Variants in CSMD1 observed in about 807,000 individuals in gnomAD.
The protein encoded by CSMD1 is CUB and Sushi multiple domains 1.
CSMD1 carries 213 observed loss-of-function variants against 417.5 expected under a neutral mutation model. The observed-to-expected ratio is 0.51, with a 90% CI of 0.46 to 0.57. The LOEUF is 0.57. Among genes scored for constraint, CSMD1 ranks in the 20% least tolerant of loss-of-function variants. The probability of loss-of-function intolerance (pLI) is 0.00; values close to 1 mark genes in which losing one functional copy is unlikely to be tolerated. For synonymous variants in CSMD1, 2,862 were observed against 1,736.8 expected, an observed-to-expected ratio of 1.65 and a Z score of -16.11; for missense variants, 6,923 against 4,529.7, an observed-to-expected ratio of 1.53 and a Z score of -15.17.
At chr8:3,414,212 CAAAAAAAAAAAAA>C (rs1161625328) in intron 12 of CSMD1, among the ~76,000 whole-genome samples, 2 of 49,738 alleles carry the variant, frequency 4.0e-5, no homozygotes, top group African/African-American at 1.5e-4. Context: ...GCACCTAAAG[CAAAAAAAAAAAAA>C]AAAAAAAAAA....
chr8:3,840,955 C>T (rs189058437), intron 5 of CSMD1, among the ~76,000 whole-genome samples: 33 of 152,134 alleles, frequency 2.2e-4, no homozygotes, highest in Middle Eastern at 3.4e-3. Context: ...GATCCTCCTG[C>T]CTCGGCCTCC....
chr8:3,247,139 C>G (rs188449810), intron 26 of CSMD1, among the ~76,000 whole-genome samples: 54 of 152,166 alleles, frequency 3.5e-4, no homozygotes, highest in African/African-American at 1.2e-3. Context: ...CTCATTTGCC[C>G]CTAAATGTTT....
intron 3 of CSMD1, among the ~76,000 whole-genome samples, chr8:4,282,665 C>A (rs1292078665): frequency 6.6e-6 from 1 of 152,018 alleles, no homozygotes; most frequent in African/African-American, 2.4e-5. Flanking sequence ...TATTTGAATA[C>A]CAGTTAGGAA....
At chr8:3,084,017 T>C (rs1349113812) in intron 49 of CSMD1, among the ~76,000 whole-genome samples, 1 of 152,136 alleles carries the variant, frequency 6.6e-6, no homozygotes, top group Non-Finnish European at 1.5e-5. Context: ...AAACAAATCT[T>C]TTTGTTGTTG....
intron 10 of CSMD1, among the ~76,000 whole-genome samples, chr8:3,557,563 GTGAGCAAGTCC>G (rs529330240): frequency 9.0e-4 from 137 of 152,322 alleles, no homozygotes; most frequent in African/African-American, 3.2e-3. Context: ...CCTTTTAGAG[GTGAGCAAGTCC>G]TGAATTGGCC....
chr8:3,403,396 C>G (rs1178385235), intron 15 of CSMD1, among the ~76,000 whole-genome samples: 1 of 152,200 alleles, frequency 6.6e-6, no homozygotes. Flanking sequence ...CCTGTTCCAT[C>G]GGAGCGTCCC....
chr8:4,264,730 G>A (rs1425039615), intron 3 of CSMD1, among the ~76,000 whole-genome samples: 1 of 152,118 alleles, frequency 6.6e-6, no homozygotes, highest in African/African-American at 2.4e-5. Context: ...CTGCCCAGGG[G>A]TAGGGAACAT....
chr8:3,515,606 T>C (rs1797251487), intron 10 of CSMD1, among the ~76,000 whole-genome samples: 1 of 152,238 alleles, frequency 6.6e-6, no homozygotes, highest in Non-Finnish European at 1.5e-5. Flanking sequence ...AGAAAACTTA[T>C]TACTGTGGCA....
At chr8:4,395,948 A>G (rs1015608583) in intron 3 of CSMD1, among the ~76,000 whole-genome samples, 3 of 152,202 alleles carry the variant, frequency 2.0e-5, no homozygotes, top group Non-Finnish European at 4.4e-5. Context: ...AATATTCCCC[A>G]TTTATGCCAT....
chr8:3,714,417 A>T (rs993048599), intron 6 of CSMD1, among the ~76,000 whole-genome samples: 6 of 151,446 alleles, frequency 4.0e-5, no homozygotes, highest in Non-Finnish European at 7.4e-5. Context: ...TACATTTGGG[A>T]AAACAGTGTA....
rs370198027 is a variant in CSMD1 at position 4,678,306 on chromosome 8, G to A, written c.86-40748C>T. On this transcript the variant is annotated intron_variant, in intron 1 of 69. Coordinates refer to ENST00000635120, the MANE Select transcript of CSMD1 (RefSeq NM_033225.6). ...CGCACCTGTAGTCCCAACTACTTGG[G>A]AGGGTGAGGCATGAGAATAACCTGA... Among the ~76,000 whole-genome samples, 4 of 152,018 alleles carry A rather than the reference G, an allele frequency of 2.6e-5. No individual in the cohort carries two copies. In the South Asian group the frequency reaches 6.2e-4, roughly 24 times the overall value.
At chr8:4,888,208 G>T (rs927476117) in intron 1 of CSMD1, among the ~76,000 whole-genome samples, 2 of 151,600 alleles carry the variant, frequency 1.3e-5, no homozygotes, top group Admixed American at 1.3e-4. Context: ...TATAATAAAA[G>T]AAAGAAAAAA....
At chr8:4,970,620 T>C (rs986445590) in intron 1 of CSMD1, among the ~76,000 whole-genome samples, 4 of 152,188 alleles carry the variant, frequency 2.6e-5, no homozygotes, top group South Asian at 2.1e-4. Context: ...TTTACAATGA[T>C]AGGAAGCTTG....
intron 18 of CSMD1, among the ~76,000 whole-genome samples, chr8:3,370,317 C>G (rs967350916): frequency 2.0e-5 from 3 of 152,152 alleles, no homozygotes; most frequent in Non-Finnish European, 2.9e-5. Context: ...TCACCAGAGC[C>G]GGAGGGTAGA....
chr8:4,270,812 C>G (rs779292641), intron 3 of CSMD1, among the ~76,000 whole-genome samples: 181 of 152,258 alleles, frequency 1.2e-3, no homozygotes, highest in Non-Finnish European at 1.4e-3. Context: ...AGAAAGTTCC[C>G]TGCCGCCCAC....
chr8:3,790,521 G>A lies in CSMD1; in HGVS notation c.819-36479C>T, dbSNP rs962274256. 1.1e-4 allele frequency among the ~76,000 whole-genome samples: 17 copies of A among 152,274 alleles called. No homozygotes were observed. The East Asian group carries it at 1.4e-3, about 12-fold the overall frequency. ...GATGGTAATTATGACGGTGATAACC[G>A]TGTGATGGTGATAATAACAACAGAA... On this transcript the variant is annotated intron_variant, in intron 5 of 69. Transcript: ENST00000635120.
rs201495136 is a variant in CSMD1, at chr8:3,221,559, A to AACAAACAC, written c.4485-2118_4485-2117insGTGTTTGT. ...AAACAAACAAACAAACAAACAAACA[A>AACAAACAC]ACACTATATATCCCATCTGCTCTCT... On this transcript the variant is annotated intron_variant, in intron 28 of 69. Transcript: ENST00000635120. Among the ~76,000 whole-genome samples the AACAAACAC allele has an allele frequency of 2.8e-4, 41 of 147,622 alleles. No homozygotes were observed. The South Asian group carries it at 3.9e-3, about 14-fold the overall frequency.
At chr8:3,349,793 A>C (rs1808271437) in intron 21 of CSMD1, among the ~76,000 whole-genome samples, 1 of 95,878 alleles carries the variant, frequency 1.0e-5, no homozygotes, top group Non-Finnish European at 2.1e-5. Context: ...ATATAAATAT[A>C]TCTATAAATA....
At chr8:3,407,016 T>A (rs535593959) in intron 14 of CSMD1, among the ~76,000 whole-genome samples, 1 of 151,948 alleles carries the variant, frequency 6.6e-6, no homozygotes, top group African/African-American at 2.4e-5. Flanking sequence ...GTTGTATAGA[T>A]GGGAGGAAGA....
Sources: gnomAD v4.1 joint callset for allele counts (sites outside exome capture counted in the v4.1 genomes callset) on GRCh38, gnomAD v4.1.1 for gene constraint, MANE v1.5 for transcripts, NCBI Gene and HGNC (gene_info 2026-07-23, HGNC 2026-07-21) for gene names.